The following GSG1L variants were observed in gnomAD, a reference collection of about 807,000 sequenced individuals.
The protein encoded by GSG1L is germ cell-specific gene 1-like protein.
GSG1L carries 24 observed loss-of-function variants against 42.1 expected under a neutral mutation model. The observed-to-expected ratio is 0.57, with a 90% CI of 0.41 to 0.80. The LOEUF (loss-of-function observed/expected upper bound fraction) is 0.80, where lower values mean the gene tolerates loss of function less well. GSG1L is among the 30% of genes least tolerant of loss of function. GSG1L has a pLI of 0.00. For missense variants in GSG1L, 445 were observed against 472.2 expected (o/e 0.94, Z 0.53); for synonymous variants, 215 against 203.5 (o/e 1.06, Z -0.48).
At chr16:27,923,749 G>A (rs202072962) in intron 2 of GSG1L, among the ~76,000 whole-genome samples, 11 of 138,600 alleles carry the variant, frequency 7.9e-5, no homozygotes, top group African/African-American at 2.7e-4. Flanking sequence ...AAAAAAAAAG[G>A]AAGAAAGAAA....
At chr16:28,061,340 C>T (rs1441234389) in intron 1 of GSG1L, among the ~76,000 whole-genome samples, 1 of 152,182 alleles carries the variant, frequency 6.6e-6, no homozygotes, top group Non-Finnish European at 1.5e-5. Context: ...CCACAGTAAA[C>T]ATTTGAGTGT....
intron 2 of GSG1L, among the ~76,000 whole-genome samples, chr16:27,908,873 T>A (rs2084349292): frequency 6.6e-6 from 1 of 152,146 alleles, no homozygotes; most frequent in Non-Finnish European, 1.5e-5. Flanking sequence ...CAGCTCAGTA[T>A]CTCATCCCAC....
In GSG1L at chr16:28,041,912, C is replaced by A. The variant is rs748176632; in HGVS notation, c.349+21164G>T. 4.4e-4 allele frequency among the ~76,000 whole-genome samples: 67 copies of A among 152,202 alleles called. 1 individual carries two copies. The highest frequency in any genetic ancestry group is 7.1e-4 in the Non-Finnish European group (48 of 68,032). On this transcript the variant is annotated intron_variant, in intron 1 of 6. Coordinates refer to ENST00000447459, the MANE Select transcript of GSG1L (RefSeq NM_001109763.2). Reference sequence around the variant, plus strand: ...GTTTCTGAGAGAATCGCTCCAGGATCGCTCATCCCCCTGGCTTCCATCCAC... The same window carrying A: ...GTTTCTGAGAGAATCGCTCCAGGATAGCTCATCCCCCTGGCTTCCATCCAC...
chr16:27,813,601 C>A (rs142383490), intron 5 of GSG1L, among the ~76,000 whole-genome samples: 1,572 of 152,320 alleles, frequency 0.01, 21 homozygotes, highest in African/African-American at 0.035. Flanking sequence ...GCAGTGTTGC[C>A]ATTCTGGAAA....
At chr16:27,896,624 G>A (rs2084194986) in intron 2 of GSG1L, among the ~76,000 whole-genome samples, 1 of 152,144 alleles carries the variant, frequency 6.6e-6, no homozygotes, top group African/African-American at 2.4e-5. Flanking sequence ...ATTTTGAGAT[G>A]GGGAGATTAT....
chr16:28,037,321 C>CA (rs771352877), intron 1 of GSG1L, among the ~76,000 whole-genome samples: 1 of 152,234 alleles, frequency 6.6e-6, no homozygotes, highest in Non-Finnish European at 1.5e-5. Flanking sequence ...CCACCACGCC[C>CA]AGCCTTGCAA....
chr16:27,994,219 C>T (rs2085489085), intron 1 of GSG1L, among the ~76,000 whole-genome samples: 1 of 152,102 alleles, frequency 6.6e-6, no homozygotes, highest in African/African-American at 2.4e-5. Context: ...AAGGCTTGAA[C>T]CACCAAGGGG....
chr16:27,982,354 T>C (rs1282554949), intron 1 of GSG1L, among the ~76,000 whole-genome samples: 1 of 152,148 alleles, frequency 6.6e-6, no homozygotes, highest in Non-Finnish European at 1.5e-5. Context: ...AGGTACAATA[T>C]TTCCCAGCAT....
At chr16:27,936,587 C>A (rs558429714) in intron 2 of GSG1L, among the ~76,000 whole-genome samples, 1 of 152,160 alleles carries the variant, frequency 6.6e-6, no homozygotes, top group Non-Finnish European at 1.5e-5. Flanking sequence ...GCCTGCAGAA[C>A]CATGAGCCAA....
chr16:27,888,452 CTT>C (rs1194172098), intron 2 of GSG1L, among the ~76,000 whole-genome samples: 715 of 21,544 alleles, frequency 0.033, 44 homozygotes, highest in Non-Finnish European at 0.071. Context: ...TTCTTTCTTT[CTT>C]TCTTTCTTTC....
chr16:27,882,579 G>T (rs560542142), intron 3 of GSG1L, among the ~76,000 whole-genome samples: 1 of 152,150 alleles, frequency 6.6e-6, no homozygotes, highest in African/African-American at 2.4e-5. Context: ...GCATCATCAG[G>T]CCTTTGCTTA....
intron 4 of GSG1L, among the ~76,000 whole-genome samples, chr16:27,840,221 G>A (rs12325240): frequency 6.6e-6 from 1 of 151,890 alleles, no homozygotes; most frequent in Non-Finnish European, 1.5e-5. Context: ...TATTGTTTTA[G>A]AGATTGGGTC....
chr16:27,896,122 C>G (rs2084189389), intron 2 of GSG1L, among the ~76,000 whole-genome samples: 1 of 152,150 alleles, frequency 6.6e-6, no homozygotes, highest in Admixed American at 6.5e-5. Flanking sequence ...GTAAGGAGCA[C>G]TGGCCTAGGG....
At chr16:27,914,581 T>C (rs1007314138) in intron 2 of GSG1L, among the ~76,000 whole-genome samples, 1 of 150,328 alleles carries the variant, frequency 6.7e-6, no homozygotes, top group African/African-American at 2.5e-5. Flanking sequence ...TGGAGTGCAG[T>C]GGCAGAATCA....
chr16:27,796,312 A>G (rs1422770913), intron 6 of GSG1L, among the ~76,000 whole-genome samples: 2 of 152,046 alleles, frequency 1.3e-5, no homozygotes, highest in African/African-American at 4.8e-5. Context: ...AGTGGTGGAA[A>G]ATGAATCAGG....
intron 1 of GSG1L, among the ~76,000 whole-genome samples, chr16:27,964,972 C>T (rs1466157322): frequency 2.0e-5 from 3 of 152,102 alleles, no homozygotes; most frequent in Non-Finnish European, 4.4e-5. Context: ...TCATGTACCC[C>T]ATAAATATAT....
chr16:27,937,457 G>C (rs13329736), intron 2 of GSG1L, among the ~76,000 whole-genome samples: 56,606 of 151,920 alleles, frequency 0.37, 11,468 homozygotes, highest in African/African-American at 0.53. Flanking sequence ...GGCCAGGCAG[G>C]TCTTGAACTC....
In GSG1L at chr16:28,063,205, C is replaced by A; in HGVS notation, c.220G>T (p.Ala74Ser). 8.5e-7 allele frequency: 1 copy of A among 1,169,776 alleles called. No individual in the cohort carries two copies. Among genetic ancestry groups the A allele is most frequent in the Non-Finnish European group, 1.1e-6 (1 of 940,448 alleles). The allele number at this position is 1,169,776 out of a possible 1,614,324, so 72.5% of individuals were successfully genotyped here. ...TAAPAAAAAA[A>S]TASGNGPPGG... is the part of the protein sequence containing the mutation. ...GGGGGGCCGTTCCCCGAGGCGGTGG[C>A]GGCGGCGGCGGCGGCGGCGGGGGCG... The change falls in exon 1 of 7, where the codon GCC becomes TCC. Residue 74 changes from alanine (A) to serine (S), a missense_variant. Ala to Ser is a moderately conservative substitution (Grantham distance 99). Coordinates refer to ENST00000447459, the MANE Select transcript of GSG1L (RefSeq NM_001109763.2). The surrounding 1 kb of genome is among the most constrained non-coding windows in gnomAD (Gnocchi z 5.8).
chr16:27,795,635 A>G (rs112577937), intron 6 of GSG1L, among the ~76,000 whole-genome samples: 4 of 152,312 alleles, frequency 2.6e-5, no homozygotes, highest in African/African-American at 9.6e-5. Flanking sequence ...TGGGGAAACC[A>G]AGGCCCATGG....
Sources: gnomAD v4.1 joint callset for allele counts (sites outside exome capture counted in the v4.1 genomes callset) on GRCh38, gnomAD v4.1.1 for gene constraint, Gnocchi (gnomAD v3.1) non-coding constraint, MANE v1.5 for transcripts, NCBI Gene and HGNC (gene_info 2026-07-23, HGNC 2026-07-21) for gene names.